Variants in BICD1 observed in about 807,000 individuals in gnomAD.
BICD1 encodes the protein protein bicaudal D homolog 1.
BICD1 carries 35 observed loss-of-function variants against 92.5 expected under a neutral mutation model. The ratio of observed to expected loss-of-function variants is 0.38; its 90% CI spans 0.29 to 0.50. The LOEUF (loss-of-function observed/expected upper bound fraction) is 0.50. BICD1 is among the 20% of genes least tolerant of loss of function. BICD1 has a pLI of 0.93. For missense variants in BICD1, 950 were observed against 1,189.8 expected (o/e 0.80, Z 2.97); for synonymous variants, 429 against 465.1 (o/e 0.92, Z 1.00).
chr12:32,334,530 G>C lies in BICD1; in HGVS notation c.2115G>C (p.Ala705=). The C allele has an allele frequency of 6.2e-7, 1 of 1,607,902 alleles. No homozygotes were observed. Among genetic ancestry groups the C allele is most frequent in the Non-Finnish European group, 8.5e-7 (1 of 1,177,204 alleles). ...TTCTGCTTTAGACAGCTGAGGTGGCGCTAGCTAATCTCAAGAACAAATATG... is the reference window on the plus strand; with the variant it reads ...TTCTGCTTTAGACAGCTGAGGTGGCCCTAGCTAATCTCAAGAACAAATATG... ...LKANKQTAEV[A]LANLKNKYEN... Residue 705 remains alanine, a synonymous_variant, in exon 6 of 10, where the codon GCG becomes GCC. Transcript: ENST00000652176.
chr12:32,148,142 C>CAAAAAGAAAAAAA (rs1943171578), intron 1 of BICD1, among the ~76,000 whole-genome samples: 2 of 60,584 alleles, frequency 3.3e-5, no homozygotes, highest in Admixed American at 4.8e-4. Context: ...ACTCCGTCTC[C>CAAAAAGAAAAAAA]AAAAAAAAAA....
At chr12:32,219,959 C>A (rs957330717) in intron 2 of BICD1, among the ~76,000 whole-genome samples, 3 of 152,134 alleles carry the variant, frequency 2.0e-5, no homozygotes, top group African/African-American at 7.2e-5. Flanking sequence ...ACTATCTGAT[C>A]TTTGACAAAC....
At chr12:32,299,684 C>T (rs1383521596) in intron 3 of BICD1, among the ~76,000 whole-genome samples, 3 of 151,816 alleles carry the variant, frequency 2.0e-5, no homozygotes, top group Non-Finnish European at 4.4e-5. Context: ...AGTGAGACCT[C>T]GTCTCTACAA....
chr12:32,235,786 C>T (rs538968596), intron 2 of BICD1, among the ~76,000 whole-genome samples: 6 of 151,136 alleles, frequency 4.0e-5, no homozygotes, highest in Admixed American at 6.6e-5. Context: ...CTGCAACCTC[C>T]GCCTCCCAGG....
chr12:32,295,887 A>G (rs1947854425), intron 3 of BICD1, among the ~76,000 whole-genome samples: 1 of 152,142 alleles, frequency 6.6e-6, no homozygotes, highest in South Asian at 2.1e-4. Flanking sequence ...TCCTGAGCTC[A>G]AGTGATCCGT....
At chr12:32,217,152 A>G (rs1017944159) in intron 2 of BICD1, among the ~76,000 whole-genome samples, 2 of 152,222 alleles carry the variant, frequency 1.3e-5, no homozygotes, top group Admixed American at 6.5e-5. Context: ...AGCTTCATCC[A>G]TCAAACCCCT....
chr12:32,107,291 C>T lies in BICD1; in HGVS notation c.-41C>T, dbSNP rs117745428. ...TCCCCGCCAGCTTCGCATCCATCTC[C>T]CCCACCCCGTAACCCCCTCCTGCCT... On this transcript the variant is annotated 5_prime_UTR_variant, in exon 1 of 10. Transcript: ENST00000652176. 25,732 of 1,527,294 alleles carry T rather than the reference C, an allele frequency of 0.017. 244 individuals are homozygous for T. The highest frequency in any genetic ancestry group is 0.028 in the Middle Eastern group (165 of 5,890). 94.6% of individuals were successfully genotyped at this position (1,527,294 alleles called of 1,614,324 possible).
chr12:32,165,160 A>G (rs548030828), intron 1 of BICD1, among the ~76,000 whole-genome samples: 2 of 152,336 alleles, frequency 1.3e-5, no homozygotes, highest in South Asian at 4.1e-4. Context: ...GGGAAAGACT[A>G]GAGTTACTAG....
rs1262979843 is a variant in BICD1, at chr12:32,379,094, C to T, written c.*1467C>T. 1.3e-5 allele frequency: 2 copies of T among 152,146 alleles called. No individual in the cohort carries two copies. Among genetic ancestry groups the T allele is most frequent in the Non-Finnish European group, 2.9e-5 (2 of 68,032 alleles). The allele number at this position is 152,146 out of a possible 1,614,324, so 9.4% of individuals were successfully genotyped here. ...CTTATTTAAAACCATAAGGGTTTGA[C>T]CTTTTCATATAAAGACATCTGTAAC... On this transcript the variant is annotated 3_prime_UTR_variant, in exon 10 of 10. Transcript: ENST00000652176.
At chr12:32,226,597 G>A (rs766859173) in intron 2 of BICD1, among the ~76,000 whole-genome samples, 1 of 152,198 alleles carries the variant, frequency 6.6e-6, no homozygotes, top group Non-Finnish European at 1.5e-5. Flanking sequence ...CTTAAAGGGA[G>A]AGTGCAGGCT....
At chr12:32,191,448 G>A (rs1223202841) in intron 1 of BICD1, among the ~76,000 whole-genome samples, 2 of 151,528 alleles carry the variant, frequency 1.3e-5, no homozygotes, top group African/African-American at 4.8e-5. Context: ...TTGAAGGTTT[G>A]TGGCAACCCT....
chr12:32,228,737 C>A lies in BICD1; in HGVS notation c.426+12278C>A, dbSNP rs79321955. The stretch of plus-strand genomic sequence containing the variant: ...GAGAGATAGGCATGAGAAAAGAACT[C>A]TAGTCTGAGGGTTTAGCTTGACCAA... On this transcript the variant is annotated intron_variant, in intron 2 of 9. Coordinates refer to ENST00000652176, the MANE Select transcript of BICD1 (RefSeq NM_001714.4). Among the ~76,000 whole-genome samples, 705 of 152,226 alleles carry A rather than the reference C, an allele frequency of 4.6e-3. 3 individuals carry two copies. Among genetic ancestry groups the A allele is most frequent in the African/African-American group, 0.016 (678 of 41,530 alleles).
chr12:32,347,813 A>G (rs930925603), intron 8 of BICD1, among the ~76,000 whole-genome samples: 8 of 152,180 alleles, frequency 5.3e-5, no homozygotes, highest in Non-Finnish European at 1.2e-4. Flanking sequence ...TACCGTAATG[A>G]AGTTGTAAAA....
At position 32,231,571 on chromosome 12, in the gene BICD1, A is replaced by G. The variant is rs1277403937; in HGVS notation, c.426+15112A>G. Reference sequence around the variant, plus strand: ...TAATTTGTGACTGCTTTATTTATTTATTTATTTATTTATTTATTTATTTAT... The same window carrying G: ...TAATTTGTGACTGCTTTATTTATTTGTTTATTTATTTATTTATTTATTTAT... On this transcript the variant is annotated intron_variant, in intron 2 of 9. Transcript: ENST00000652176. Among the ~76,000 whole-genome samples the G allele has an allele frequency of 2.5e-4, 12 of 47,536 alleles. No individual in the cohort carries two copies. The East Asian group carries it at 3.5e-3, about 14-fold the overall frequency. The allele number at this position is 47,536 out of a possible 152,430, so 31.2% of individuals were successfully genotyped here.
At chr12:32,368,567 T>C (rs1939615247) in intron 9 of BICD1, among the ~76,000 whole-genome samples, 1 of 151,228 alleles carries the variant, frequency 6.6e-6, no homozygotes, top group Admixed American at 6.6e-5. Flanking sequence ...TGGTGGCACA[T>C]GCCTCTAATC....
At chr12:32,167,656 A>G (rs1299000430) in intron 1 of BICD1, among the ~76,000 whole-genome samples, 6 of 152,130 alleles carry the variant, frequency 3.9e-5, no homozygotes, top group Admixed American at 3.9e-4. Context: ...GGGCTTCACC[A>G]TGTTGGTCAG....
chr12:32,117,705 T>TACACACACACACACACACACACAC (rs1187433090), intron 1 of BICD1, among the ~76,000 whole-genome samples: 20 of 85,744 alleles, frequency 2.3e-4, no homozygotes, highest in East Asian at 1.5e-3. Flanking sequence ...TATACACAAA[T>TACACACACACACACACACACACAC]ATATATACAC....
chr12:32,374,568 CTTTT>C (rs146526015), intron 9 of BICD1, among the ~76,000 whole-genome samples: 2 of 124,904 alleles, frequency 1.6e-5, no homozygotes, highest in East Asian at 2.4e-4. Context: ...TTTCTTTCTT[CTTTT>C]TTTTTTTTTT....
chr12:32,208,071 A>G (rs1404071736), intron 1 of BICD1, among the ~76,000 whole-genome samples: 1 of 152,196 alleles, frequency 6.6e-6, no homozygotes, highest in African/African-American at 2.4e-5. Flanking sequence ...TTTGGTACGA[A>G]TTTTATATCT....
Sources: allele counts gnomAD v4.1 joint callset (sites outside exome capture counted in the v4.1 genomes callset), GRCh38; gene constraint gnomAD v4.1.1; transcripts MANE v1.5; gene names NCBI Gene and HGNC (gene_info 2026-07-23, HGNC 2026-07-21).